The following RBFOX1 variants were observed in gnomAD, a reference collection of about 807,000 sequenced individuals.
RBFOX1 encodes RNA binding protein fox-1 homolog 1.
A neutral mutation model predicts 57.7 loss-of-function variants in RBFOX1; 8 were observed. The ratio of observed to expected loss-of-function variants is 0.14; its 90% CI spans 0.08 to 0.25. The LOEUF (loss-of-function observed/expected upper bound fraction) is 0.25, where lower values mean the gene tolerates loss of function less well. Ranked by LOEUF, RBFOX1 falls within the 10% of genes least tolerant of loss-of-function variation. The pLI, the probability that RBFOX1 is intolerant of heterozygous loss-of-function variation, is 1.00. For synonymous variants in RBFOX1, 326 were observed against 222.4 expected, an observed-to-expected ratio of 1.47 and a Z score of -4.15; for missense variants, 611 against 548.5, an observed-to-expected ratio of 1.11 and a Z score of -1.14.
At chr16:6,816,566 C>T (rs1376108482) in intron 3 of RBFOX1, among the ~76,000 whole-genome samples, 4 of 151,470 alleles carry the variant, frequency 2.6e-5, no homozygotes, top group African/African-American at 4.8e-5. Context: ...ACAGTGAAAC[C>T]CCGTCTCTAC....
At chr16:6,733,090 C>G (rs2069095540) in intron 3 of RBFOX1, among the ~76,000 whole-genome samples, 1 of 152,068 alleles carries the variant, frequency 6.6e-6, no homozygotes, top group Non-Finnish European at 1.5e-5. Flanking sequence ...TAAAAAGATG[C>G]TGAAAACAGA....
intron 3 of RBFOX1, among the ~76,000 whole-genome samples, chr16:6,904,599 TAAAAAAAAAAAAAA>T (rs71147623): frequency 1.9e-4 from 12 of 64,006 alleles, no homozygotes; most frequent in East Asian, 4.8e-4. Flanking sequence ...AGACTCTCTC[TAAAAAAAAAAAAAA>T]AAAAAAAAAA....
intron 14 of RBFOX1, among the ~76,000 whole-genome samples, chr16:7,708,103 C>G (rs970207558): frequency 2.7e-4 from 41 of 152,258 alleles, no homozygotes; most frequent in African/African-American, 9.1e-4. Flanking sequence ...CACTGAGAGG[C>G]TGAGGCTGGT....
At chr16:7,176,595 C>T (rs74341966) in intron 4 of RBFOX1, among the ~76,000 whole-genome samples, 12,925 of 152,126 alleles carry the variant, frequency 0.085, 749 homozygotes, top group Non-Finnish European at 0.12. Flanking sequence ...TGTGCTACAA[C>T]GACACAGATG....
At chr16:5,839,979 A>G (rs988145944) in intron 3 of RBFOX1, among the ~76,000 whole-genome samples, 3 of 152,160 alleles carry the variant, frequency 2.0e-5, no homozygotes, top group South Asian at 2.1e-4. Flanking sequence ...CAAACATCTA[A>G]CAGTGTCTGC....
intron 1 of RBFOX1, among the ~76,000 whole-genome samples, chr16:6,169,496 C>T (rs1325642868): frequency 1.4e-4 from 21 of 151,996 alleles, no homozygotes; most frequent in East Asian, 5.8e-4. Context: ...GAACAATGAA[C>T]GATTCCTGAA....
chr16:6,172,331 G>A (rs1037921823), intron 1 of RBFOX1, among the ~76,000 whole-genome samples: 1 of 152,166 alleles, frequency 6.6e-6, no homozygotes. Context: ...AGAAGGGAAA[G>A]CAGGAATGAG....
chr16:7,418,547 C>T (rs922347534), intron 4 of RBFOX1, among the ~76,000 whole-genome samples: 9 of 152,210 alleles, frequency 5.9e-5, no homozygotes, highest in Admixed American at 3.3e-4. Context: ...CCATTAAAGT[C>T]TCTACCTGTA....
chr16:7,174,535 C>T (rs1019974972), intron 4 of RBFOX1, among the ~76,000 whole-genome samples: 9 of 152,152 alleles, frequency 5.9e-5, no homozygotes, highest in Non-Finnish European at 1.3e-4. Context: ...AATCCCAGCC[C>T]TTTGGGAGGC....
In RBFOX1 at chr16:7,180,424, A is replaced by G. The variant is rs1040215713; in HGVS notation, c.27+128326A>G. Among the ~76,000 whole-genome samples, 8 of 152,294 alleles carry G rather than the reference A, an allele frequency of 5.3e-5. No individual in the cohort carries two copies. In the East Asian group the frequency reaches 9.7e-4, roughly 18 times the overall value. ...AATCATGGGTCACTCTTGTCATCAG[A>G]TGCCGGGCAAGGTGAAGCCCTACAT... On this transcript the variant is annotated intron_variant, in intron 4 of 15. Transcript: ENST00000550418.
chr16:7,309,009 C>T (rs1056143324), intron 4 of RBFOX1, among the ~76,000 whole-genome samples: 2 of 151,940 alleles, frequency 1.3e-5, no homozygotes, highest in African/African-American at 4.8e-5. Flanking sequence ...TGGGGGTGGT[C>T]GATAGTGTCA....
chr16:5,597,601 T>C (rs751564631), intron 2 of RBFOX1, among the ~76,000 whole-genome samples: 10 of 151,926 alleles, frequency 6.6e-5, no homozygotes, highest in Non-Finnish European at 1.3e-4. Flanking sequence ...TGTTTCACCA[T>C]GTTGGCCAGA....
At chr16:7,325,356 G>A (rs372542943) in intron 4 of RBFOX1, among the ~76,000 whole-genome samples, 9 of 152,200 alleles carry the variant, frequency 5.9e-5, no homozygotes, top group East Asian at 5.8e-4. Context: ...GGTAGGAACT[G>A]GGCTTTTAAT....
chr16:6,125,613 A>T (rs1316760500), intron 1 of RBFOX1, among the ~76,000 whole-genome samples: 3 of 152,222 alleles, frequency 2.0e-5, no homozygotes, highest in African/African-American at 7.2e-5. Context: ...CCCAAAGCAG[A>T]TGCAGCCTCA....
chr16:6,991,765 G>C (rs1011784317), intron 3 of RBFOX1, among the ~76,000 whole-genome samples: 51 of 152,114 alleles, frequency 3.4e-4, no homozygotes, highest in African/African-American at 1.2e-3. Context: ...TTGAACTCCT[G>C]AGCCCAAGCA....
chr16:5,588,050 C>T (rs776286073), intron 2 of RBFOX1, among the ~76,000 whole-genome samples: 1 of 152,156 alleles, frequency 6.6e-6, no homozygotes, highest in African/African-American at 2.4e-5. Flanking sequence ...ATCCCTGATG[C>T]CTGCTGTAAC....
At chr16:7,218,992 A>G (rs993584532) in intron 4 of RBFOX1, among the ~76,000 whole-genome samples, 1 of 152,106 alleles carries the variant, frequency 6.6e-6, no homozygotes, top group Non-Finnish European at 1.5e-5. Context: ...TGCCTGTTAC[A>G]TGCTGGTGGT....
chr16:7,584,268 G>A (rs1197320341), intron 6 of RBFOX1, among the ~76,000 whole-genome samples: 2 of 152,158 alleles, frequency 1.3e-5, no homozygotes, highest in Admixed American at 1.3e-4. Flanking sequence ...TTGCCAAAGT[G>A]TGTGTGCCTG....
intron 3 of RBFOX1, among the ~76,000 whole-genome samples, chr16:5,845,061 CTT>C (rs34775077): frequency 0.21 from 29,473 of 139,896 alleles, 3,204 homozygotes; most frequent in African/African-American, 0.29. Flanking sequence ...ACCCGAGATT[CTT>C]TTTTTTTTTT....
Sources: gnomAD v4.1 joint callset for allele counts (sites outside exome capture counted in the v4.1 genomes callset) on GRCh38, gnomAD v4.1.1 for gene constraint, MANE v1.5 for transcripts, NCBI Gene and HGNC (gene_info 2026-07-23, HGNC 2026-07-21) for gene names.